UTRN: variants seen among roughly 807,000 people sequenced by gnomAD.
UTRN encodes dystrophin-related protein 1.
UTRN carries 283 observed loss-of-function variants against 463.9 expected under a neutral mutation model. The observed-to-expected ratio is 0.61, with a 90% CI of 0.55 to 0.67. The LOEUF (loss-of-function observed/expected upper bound fraction) is 0.67, where lower values mean the gene tolerates loss of function less well. Ranked by LOEUF, UTRN falls within the 30% of genes least tolerant of loss-of-function variation. The pLI, the probability that UTRN is intolerant of heterozygous loss-of-function variation, is 0.00. For synonymous variants in UTRN, 1,442 were observed against 1,431.5 expected (o/e 1.01, Z -0.17); for missense variants, 3,922 against 4,084.3 (o/e 0.96, Z 1.08).
chr6:144,511,081 C>T lies in UTRN; in HGVS notation c.4902C>T (p.Ser1634=). ...TCTGCGTCCTTAACGCTGGGTGGAG[C>T]CGAGTTCGTACCTGGACTGAAGATT... ...ERLCVLNAGW[S]RVRTWTEDWC... The change falls in exon 35 of 75, where the codon AGC becomes AGT. Residue 1634 remains serine, a synonymous_variant. Coordinates refer to ENST00000367545, the MANE Select transcript of UTRN (RefSeq NM_007124.3). 6.2e-7 allele frequency: 1 copy of T among 1,609,068 alleles called. No homozygotes were observed. Among genetic ancestry groups the T allele is most frequent in the Non-Finnish European group, 8.5e-7 (1 of 1,176,902 alleles).
At chr6:144,827,311 G>T (rs1562958090) in intron 66 of UTRN, 37 bp from the exon 67 acceptor site, 4 of 1,612,166 alleles carry the variant, frequency 2.5e-6, no homozygotes, top group East Asian at 4.5e-5. Context: ...TAAAGTGTTT[G>T]TTCTGTGACT....
chr6:144,769,578 A>G (rs1026542524), intron 58 of UTRN, among the ~76,000 whole-genome samples: 3 of 152,188 alleles, frequency 2.0e-5, no homozygotes, highest in African/African-American at 7.2e-5. Flanking sequence ...AAATAGTGGT[A>G]TTTTCCTCTT....
At chr6:144,315,580 G>C (rs1054058575) in intron 2 of UTRN, among the ~76,000 whole-genome samples, 49 of 152,198 alleles carry the variant, frequency 3.2e-4, no homozygotes, top group Admixed American at 3.2e-3. Context: ...TTAGACCAAG[G>C]CAGCCCTTTT....
intron 54 of UTRN, among the ~76,000 whole-genome samples, chr6:144,741,282 G>T (rs1790041909): frequency 6.6e-6 from 1 of 152,162 alleles, no homozygotes. Flanking sequence ...ATCACTAGGG[G>T]CTGTGTTTAG....
At chr6:144,708,855 T>C (rs573867438) in intron 53 of UTRN, among the ~76,000 whole-genome samples, 1 of 152,212 alleles carries the variant, frequency 6.6e-6, no homozygotes, top group East Asian at 1.9e-4. Flanking sequence ...GCGGGGAAGT[T>C]CAAATCAAGG....
intron 33 of UTRN, among the ~76,000 whole-genome samples, chr6:144,495,090 G>A (rs1227497846): frequency 1.3e-5 from 2 of 152,250 alleles, no homozygotes; most frequent in Admixed American, 6.5e-5. Flanking sequence ...GCTTCACCCA[G>A]TGGATCCCGC....
chr6:144,664,460 C>G (rs1455787066), intron 51 of UTRN, among the ~76,000 whole-genome samples: 1 of 142,884 alleles, frequency 7.0e-6, no homozygotes, highest in Non-Finnish European at 1.5e-5. Flanking sequence ...GTTTTCTACT[C>G]TGTTGTCTTA....
chr6:144,756,630 T>C (rs1195713288), intron 57 of UTRN, among the ~76,000 whole-genome samples: 1 of 152,170 alleles, frequency 6.6e-6, no homozygotes, highest in Non-Finnish European at 1.5e-5. Flanking sequence ...AAAACTGACC[T>C]ATTAGCCTGG....
chr6:144,375,354 C>T (rs59862970), intron 2 of UTRN, among the ~76,000 whole-genome samples: 9,530 of 152,170 alleles, frequency 0.063, 356 homozygotes, highest in African/African-American at 0.11. Flanking sequence ...AATAACTCAG[C>T]GTTTATAAGC....
chr6:144,436,132 C>A lies in UTRN; in HGVS notation c.1053C>A (p.Thr351=), dbSNP rs1478366333. 2 of 1,613,184 alleles carry A rather than the reference C, an allele frequency of 1.2e-6. No homozygotes were observed. The highest frequency in any genetic ancestry group is 1.7e-6 in the Non-Finnish European group (2 of 1,179,786). Residue 351 remains threonine, a synonymous_variant, in exon 10 of 75, where the codon ACC becomes ACA. Coordinates refer to ENST00000367545, the MANE Select transcript of UTRN (RefSeq NM_007124.3). ...DVEEVKDQFA[T]HEAFMMELTA... ...AAGAAGTCAAAGACCAGTTTGCAAC[C>A]CATGAAGTAAATATCTGTAGTTTCT...
At position 144,291,781 on chromosome 6, in the gene UTRN, GA is replaced by G; in HGVS notation, c.-45del. On this transcript the variant is annotated 5_prime_UTR_variant, in exon 2 of 75. Transcript: ENST00000367545. ...CCATCGTAGGAAGTTGAAAGCCTTA[GA>G]AAGAGGACTTGGTAAAGTTTTTGGA... is the stretch of plus-strand genomic sequence containing the variant. 2 of 1,585,572 alleles carry G rather than the reference GA, an allele frequency of 1.3e-6. No homozygotes were observed. Among genetic ancestry groups the G allele is most frequent in the Non-Finnish European group, 1.7e-6 (2 of 1,162,372 alleles).
At chr6:144,347,834 T>G (rs1584380045) in intron 2 of UTRN, among the ~76,000 whole-genome samples, 1 of 141,998 alleles carries the variant, frequency 7.0e-6, no homozygotes, top group African/African-American at 3.1e-5. Context: ...TGGCTTATTC[T>G]TTGTTTTTTT....
At chr6:144,508,640 T>C (rs1388908454) in intron 34 of UTRN, among the ~76,000 whole-genome samples, 2 of 152,206 alleles carry the variant, frequency 1.3e-5, no homozygotes, top group Non-Finnish European at 2.9e-5. Flanking sequence ...GTTTTGGTCT[T>C]GCTGGGAGCT....
At chr6:144,321,705 C>T (rs4895638) in intron 2 of UTRN, among the ~76,000 whole-genome samples, 16,617 of 150,976 alleles carry the variant, frequency 0.11, 911 homozygotes, top group African/African-American at 0.12. Flanking sequence ...CTCCTGGCTT[C>T]GTGATCTGCC....
chr6:144,534,899 A>G (rs1797392494), intron 43 of UTRN, among the ~76,000 whole-genome samples: 1 of 152,216 alleles, frequency 6.6e-6, no homozygotes, highest in Admixed American at 6.5e-5. Context: ...AGGCAGAAGA[A>G]GTAAAACAGC....
At chr6:144,485,080 A>AT (rs1338023525) in intron 27 of UTRN, among the ~76,000 whole-genome samples, 19 of 150,976 alleles carry the variant, frequency 1.3e-4, no homozygotes, top group Admixed American at 2.0e-4. Flanking sequence ...CCCGGCTAAT[A>AT]TTTTTATATA....
chr6:144,505,142 T>A (rs1156486260), intron 34 of UTRN, among the ~76,000 whole-genome samples: 1 of 152,176 alleles, frequency 6.6e-6, no homozygotes, highest in African/African-American at 2.4e-5. Flanking sequence ...ACTATTTGAT[T>A]CTTCTCTCTT....
intron 9 of UTRN, 128 bp downstream of exon 9, chr6:144,429,869 A>C: frequency 1.0e-6 from 1 of 972,744 alleles, no homozygotes; most frequent in Non-Finnish European, 1.5e-6. Flanking sequence ...TTACATTTGC[A>C]TAAGAAGTTC....
intron 50 of UTRN, among the ~76,000 whole-genome samples, chr6:144,574,009 C>A (rs1483153101): frequency 6.6e-6 from 1 of 152,098 alleles, no homozygotes; most frequent in African/African-American, 2.4e-5. Context: ...AAGAGGTAGT[C>A]CTTAACCCTT....
Sources: allele counts gnomAD v4.1 joint callset (sites outside exome capture counted in the v4.1 genomes callset), GRCh38; gene constraint gnomAD v4.1.1; transcripts MANE v1.5; gene names NCBI Gene and HGNC (gene_info 2026-07-23, HGNC 2026-07-21).